The following ACAD10 variants were observed in gnomAD, a reference collection of about 807,000 sequenced individuals.
ACAD10 encodes acyl-CoA dehydrogenase family member 10.
A neutral mutation model predicts 116.8 loss-of-function variants in ACAD10; 112 were observed. That is an observed-to-expected ratio of 0.96 (90% CI 0.82 to 1.12). The LOEUF is 1.12. Among genes scored for constraint, ACAD10 ranks in the 50% most tolerant of loss-of-function variants. ACAD10 has a pLI of 0.00. For synonymous variants in ACAD10, 486 were observed against 510.6 expected, an observed-to-expected ratio of 0.95 and a Z score of 0.65; for missense variants, 1,259 against 1,350.2, an observed-to-expected ratio of 0.93 and a Z score of 1.06.
intron 3 of ACAD10, among the ~76,000 whole-genome samples, chr12:111,705,481 C>A (rs188970618): frequency 1.6e-4 from 25 of 152,274 alleles, no homozygotes; most frequent in Non-Finnish European, 3.1e-4. Context: ...CCTCAGCCTC[C>A]CACAGTGCTG....
chr12:111,711,995 A>G (rs1437281596), intron 5 of ACAD10, among the ~76,000 whole-genome samples: 1 of 152,192 alleles, frequency 6.6e-6, no homozygotes, highest in African/African-American at 2.4e-5. Flanking sequence ...AGCATTTTAC[A>G]AGTTACTTCC....
chr12:111,715,889 C>A lies in ACAD10; in HGVS notation c.919C>A (p.Arg307Ser). 3 of 1,614,094 alleles carry A rather than the reference C, an allele frequency of 1.9e-6. No homozygotes were observed. The highest frequency in any genetic ancestry group is 1.7e-6 in the Non-Finnish European group (2 of 1,180,006). ...NPTYYIRLAN[R>S]DLVLRKKPPG... ...AACTTACTACATCAGGCTGGCTAATCGTGATCTAGTTCTGAGGAAGAAGCC... is the reference window on the plus strand; with the variant it reads ...AACTTACTACATCAGGCTGGCTAATAGTGATCTAGTTCTGAGGAAGAAGCC... The change falls in exon 7 of 21, where the codon CGT becomes AGT. Residue 307 changes from arginine to serine, a missense_variant. Transcript: ENST00000313698.
In ACAD10 at chr12:111,720,110, C is replaced by T. The variant is rs192284423; in HGVS notation, c.993-1561C>T. On this transcript the variant is annotated intron_variant, in intron 7 of 20. Coordinates refer to ENST00000313698, the MANE Select transcript of ACAD10 (RefSeq NM_025247.6). ...AACTCCTGACCTCAGGTGATCCGCCCGCCTCGGCCTCCCAAAATGCTGGGA... is the reference window on the plus strand; with the variant it reads ...AACTCCTGACCTCAGGTGATCCGCCTGCCTCGGCCTCCCAAAATGCTGGGA... Among the ~76,000 whole-genome samples, 902 of 152,120 alleles carry T rather than the reference C, an allele frequency of 5.9e-3. 8 individuals are homozygous for T. The highest frequency in any genetic ancestry group is 0.021 in the African/African-American group (858 of 41,484).
intron 7 of ACAD10, among the ~76,000 whole-genome samples, chr12:111,718,407 CTT>C (rs776830543): frequency 1.2e-4 from 18 of 152,116 alleles, no homozygotes; most frequent in South Asian, 8.3e-4. Context: ...TTCTCTCTCT[CTT>C]GTTAGTCTAG....
chr12:111,694,424 CA>C (rs1555255471), intron 2 of ACAD10, among the ~76,000 whole-genome samples: 1 of 152,104 alleles, frequency 6.6e-6, no homozygotes, highest in Non-Finnish European at 1.5e-5. Context: ...TAAACCTGAG[CA>C]ACACAGTGAG....
intron 2 of ACAD10, among the ~76,000 whole-genome samples, chr12:111,695,160 A>G (rs1161948831): frequency 6.6e-6 from 1 of 152,152 alleles, no homozygotes; most frequent in Non-Finnish European, 1.5e-5. Context: ...GGCTCCTCTC[A>G]GTTTTAGCTT....
intron 1 of ACAD10, among the ~76,000 whole-genome samples, chr12:111,687,895 A>G (rs2135938503): frequency 6.7e-6 from 1 of 150,264 alleles, no homozygotes; most frequent in Non-Finnish European, 1.5e-5. Flanking sequence ...TTTGAGACGG[A>G]GTCTCACTCT....
At chr12:111,749,788 T>A (rs1245228990) in intron 18 of ACAD10, 2 of 152,260 alleles carry the variant, frequency 1.3e-5, no homozygotes, top group Non-Finnish European at 2.9e-5. Flanking sequence ...TTTTTTTTTT[T>A]TTTTTGAGAT....
rs1889946106 is a variant in ACAD10 at position 111,747,488 on chromosome 12, A to G, written c.2485+103A>G. On this transcript the variant is annotated intron_variant, in intron 16 of 20. Coordinates refer to ENST00000313698, the MANE Select transcript of ACAD10 (RefSeq NM_025247.6). ...GGAGCCTCTGCTTTTTCAAGTTGAC[A>G]CAAAGGAGATTCTGTCACTTAGCGC... The G allele has an allele frequency of 4.4e-6, 7 of 1,573,274 alleles. No individual in the cohort carries two copies. In the African/African-American group the frequency reaches 9.4e-5, roughly 21 times the overall value.
intron 6 of ACAD10, among the ~76,000 whole-genome samples, chr12:111,713,846 A>G (rs540030769): frequency 6.6e-6 from 1 of 151,778 alleles, no homozygotes; most frequent in African/African-American, 2.4e-5. Flanking sequence ...CTGAAGCAGG[A>G]GAATTGCTTG....
intron 8 of ACAD10, among the ~76,000 whole-genome samples, chr12:111,727,368 C>A (rs1303717277): frequency 1.3e-5 from 2 of 150,994 alleles, no homozygotes; most frequent in African/African-American, 4.9e-5. Flanking sequence ...ACTCAAAATA[C>A]AAAAAATTAG....
At chr12:111,731,055 T>C (rs1375550397) in intron 10 of ACAD10, among the ~76,000 whole-genome samples, 1 of 152,232 alleles carries the variant, frequency 6.6e-6, no homozygotes. Flanking sequence ...CCTCCCAGAG[T>C]GCTGGGATTA....
intron 7 of ACAD10, among the ~76,000 whole-genome samples, chr12:111,720,483 A>G (rs1888984937): frequency 6.6e-6 from 1 of 152,186 alleles, no homozygotes; most frequent in African/African-American, 2.4e-5. Flanking sequence ...TTTAGCACAT[A>G]CATACTTATG....
chr12:111,736,112 C>T (rs1471774662), intron 11 of ACAD10, among the ~76,000 whole-genome samples: 1 of 150,966 alleles, frequency 6.6e-6, no homozygotes, highest in Non-Finnish European at 1.5e-5. Context: ...ACCTCCTGAC[C>T]TCAAATGATC....
At chr12:111,701,763 T>C (rs1369066134) in intron 2 of ACAD10, among the ~76,000 whole-genome samples, 3 of 152,180 alleles carry the variant, frequency 2.0e-5, no homozygotes, top group Non-Finnish European at 4.4e-5. Context: ...CTATAGCCTA[T>C]AGAAGGAAGG....
intron 10 of ACAD10, among the ~76,000 whole-genome samples, chr12:111,730,633 G>A (rs1889358887): frequency 6.6e-6 from 1 of 151,946 alleles, no homozygotes; most frequent in African/African-American, 2.4e-5. Flanking sequence ...CGCAGCACCT[G>A]GAGACCTGCT....
intron 8 of ACAD10, 130 bp downstream of exon 8, chr12:111,721,869 C>T: frequency 1.6e-6 from 1 of 607,418 alleles, no homozygotes; most frequent in Non-Finnish European, 2.7e-6. Context: ...TTTATCACAA[C>T]CTCTCCCAGA....
intron 3 of ACAD10, among the ~76,000 whole-genome samples, chr12:111,704,908 C>T (rs1159296607): frequency 6.6e-6 from 1 of 151,702 alleles, no homozygotes; most frequent in East Asian, 1.9e-4. Context: ...AGGATGGTCT[C>T]GATCTCCTGA....
intron 11 of ACAD10, among the ~76,000 whole-genome samples, chr12:111,735,968 C>T (rs1205398143): frequency 6.6e-6 from 1 of 151,996 alleles, no homozygotes; most frequent in African/African-American, 2.4e-5. Context: ...CAACCTCTGC[C>T]TCCCGGGTTC....
Sources: gnomAD v4.1 joint callset for allele counts (sites outside exome capture counted in the v4.1 genomes callset) on GRCh38, gnomAD v4.1.1 for gene constraint, MANE v1.5 for transcripts, NCBI Gene and HGNC (gene_info 2026-07-23, HGNC 2026-07-21) for gene names.